MYH8: variants seen among roughly 807,000 people sequenced by gnomAD.
MYH8 encodes myosin heavy chain 8, also known as myosin-8.
In MYH8, 168 loss-of-function variants were observed where a neutral mutation model predicts 233.2. The ratio of observed to expected loss-of-function variants is 0.72; its 90% CI spans 0.64 to 0.82. The LOEUF (loss-of-function observed/expected upper bound fraction) is 0.82. MYH8 is among the 40% of genes least tolerant of loss of function. The probability of loss-of-function intolerance (pLI) is 0.00; values close to 1 mark genes in which losing one functional copy is unlikely to be tolerated. For synonymous variants in MYH8, 785 were observed against 850.6 expected, an observed-to-expected ratio of 0.92 and a Z score of 1.34; for missense variants, 1,995 against 2,327.8, an observed-to-expected ratio of 0.86 and a Z score of 2.94.
At chr17:10,399,424 TAG>T in intron 28 of MYH8, 117 bp downstream of exon 28, 1 of 1,560,638 alleles carries the variant, frequency 6.4e-7, no homozygotes, top group Non-Finnish European at 8.8e-7. Context: ...TTGACCTTCT[TAG>T]CAAACTCTGA....
intron 17 of MYH8, among the ~76,000 whole-genome samples, chr17:10,408,610 A>T (rs1042636578): frequency 3.9e-5 from 6 of 152,200 alleles, no homozygotes; most frequent in Non-Finnish European, 8.8e-5. Context: ...TATCTTAATG[A>T]TCCATTTAAG....
Position 10,400,656 on chromosome 17 carries a change from C to A in MYH8, c.3469G>T (p.Gly1157Cys), listed in dbSNP as rs747018022. The stretch of plus-strand genomic sequence containing the variant: ...TCCACCTGAGCAGAAGTTGCCCCAC[C>A]GGCTTCTTCCAGCCTCTCGCTGATC... Reference protein sequence around the residue: ...EEISERLEEAGGATSAQVELN... With the variant: ...EEISERLEEACGATSAQVELN... The change falls in exon 27 of 40, where the codon GGT becomes TGT. Residue 1157 changes from glycine to cysteine, a missense_variant. Coordinates refer to ENST00000403437, the MANE Select transcript of MYH8 (RefSeq NM_002472.3). The surrounding 1 kb of genome is among the most constrained non-coding windows in gnomAD (Gnocchi z 4.0). The A allele has an allele frequency of 6.2e-7, 1 of 1,614,218 alleles. No homozygotes were observed. Among genetic ancestry groups the A allele is most frequent in the African/African-American group, 1.3e-5 (1 of 75,066 alleles).
chr17:10,398,948 A>G, intron 28 of MYH8, 62 bp from the exon 29 acceptor site: 2 of 998,474 alleles, frequency 2.0e-6, no homozygotes, highest in Non-Finnish European at 3.1e-6. Context: ...AACCTTTTAC[A>G]TTTATATATG....
chr17:10,408,231 G>A (rs1490064218), intron 17 of MYH8, among the ~76,000 whole-genome samples: 3 of 151,916 alleles, frequency 2.0e-5, no homozygotes, highest in Non-Finnish European at 2.9e-5. Context: ...GAGCCACTGC[G>A]CCCGGCCAAG....
Position 10,419,942 on chromosome 17 carries a change from G to A in MYH8, c.210+76C>T. Reference sequence around the variant, plus strand: ...TGTTTGCATTGGCAACAGGCTTGGAGATTCCCAGTAAGTTAGGCTTCAACT... The same window carrying A: ...TGTTTGCATTGGCAACAGGCTTGGAAATTCCCAGTAAGTTAGGCTTCAACT... On this transcript the variant is annotated intron_variant, in intron 3 of 39. Transcript: ENST00000403437. This position sits in a 1 kb window ranked among gnomAD's most constrained non-coding sequence, Gnocchi z 4.0. 6.7e-7 allele frequency: 1 copy of A among 1,486,922 alleles called. No individual in the cohort carries two copies. The highest frequency in any genetic ancestry group is 9.4e-7 in the Non-Finnish European group (1 of 1,065,980). 92.1% of individuals were successfully genotyped at this position (1,486,922 alleles called of 1,614,324 possible). A position where few individuals can be genotyped will look rare whatever the true frequency, so the allele number is the denominator to read the frequency against.
chr17:10,415,587 A>T lies in MYH8; in HGVS notation c.540-7T>A. On this transcript the variant is annotated splice_region_variant and splice_polypyrimidine_tract_variant and intron_variant, in intron 6 of 39. Transcript: ENST00000403437. The surrounding 1 kb of genome is among the most constrained non-coding windows in gnomAD (Gnocchi z 4.1). ...TCCGGCACCAGATTCTCCGCTGTCA[A>T]ACAGAAATCAGAGAAGAGATCAGAG... 6.2e-7 allele frequency: 1 copy of T among 1,614,156 alleles called. No individual in the cohort carries two copies.
In MYH8 at chr17:10,406,181, G is replaced by A; in HGVS notation, c.2296-4C>T. ...GAAGTCCAGCTTTGAAGAAAACCTG[G>A]AGAAAGAGAGAGTCACAAATCATCT... On this transcript the variant is annotated splice_region_variant and splice_polypyrimidine_tract_variant and intron_variant, in intron 20 of 39. Coordinates refer to ENST00000403437, the MANE Select transcript of MYH8 (RefSeq NM_002472.3). 1.2e-6 allele frequency: 2 copies of A among 1,614,036 alleles called. No individual in the cohort carries two copies. The highest frequency in any genetic ancestry group is 1.7e-6 in the Non-Finnish European group (2 of 1,179,986).
rs147454129 is a variant in MYH8, at chr17:10,412,682, T to C, written c.1194A>G (p.Leu398=). Residue 398 remains leucine (L), a synonymous_variant, in exon 13 of 40, where the codon CTA becomes CTG. Transcript: ENST00000403437. ...CCCTAGGGTAGCAGAGGGCTTTGAG[T>C]AGGTCTGCAGAGTTCAGACTCTGGA... The part of the protein sequence containing the change: ...AYLQSLNSAD[L]LKALCYPRVK... The C allele has an allele frequency of 6.2e-7, 1 of 1,614,220 alleles. No individual in the cohort carries two copies. The highest frequency in any genetic ancestry group is 8.5e-7 in the Non-Finnish European group (1 of 1,180,032).
At position 10,395,407 on chromosome 17, in the gene MYH8, C is replaced by T. The variant is rs544591533; in HGVS notation, c.4688G>A (p.Arg1563His). ...SLEHEEGKIL[R>H]IQLELNQVKS... ...GACTTGGTTTAACTCAAGCTGGATA[C>T]GCAGAATCTTTCCTTCTTCATGTTC... is the stretch of plus-strand genomic sequence containing the variant. Residue 1563 changes from arginine to histidine, a missense_variant, in exon 34 of 40, where the codon CGT (arginine) becomes CAT (histidine). Around this residue, in one of 3 missense-constraint regions of MYH8, gnomAD observed 1,498 missense variants for 1,680.9 expected, o/e 0.89. Transcript: ENST00000403437. The T allele has an allele frequency of 1.9e-4, 300 of 1,614,104 alleles. 3 individuals carry two copies. The highest frequency in any genetic ancestry group is 1.3e-3 in the Middle Eastern group (8 of 6,062).
At chr17:10,402,321 T>G (rs998792988) in intron 22 of MYH8, among the ~76,000 whole-genome samples, 50 of 152,020 alleles carry the variant, frequency 3.3e-4, no homozygotes, top group African/African-American at 1.2e-3. Flanking sequence ...AGAAGAAAAA[T>G]AATTTAAATA....
rs34130444 is a variant in MYH8, at chr17:10,391,659, G to A, written c.5664+223C>T. ...CACACCACTGCACTCCAACCTGGGT[G>A]ACACAGCGAGGCTCTGTGTCAAAAT... On this transcript the variant is annotated intron_variant, in intron 39 of 39. Transcript: ENST00000403437. Among the ~76,000 whole-genome samples, 25,487 of 152,104 alleles carry A rather than the reference G, an allele frequency of 0.17. 2,875 individuals are homozygous for A. The highest frequency in any genetic ancestry group is 0.25 in the Non-Finnish European group (16,897 of 67,960).
At position 10,420,105 on chromosome 17, in the gene MYH8, A is replaced by G; in HGVS notation, c.123T>C (p.Phe41=). 6.2e-7 allele frequency: 1 copy of G among 1,614,246 alleles called. No individual in the cohort carries two copies. The highest frequency in any genetic ancestry group is 8.5e-7 in the Non-Finnish European group (1 of 1,180,050). Residue 41 remains phenylalanine (F), a synonymous_variant, in exon 3 of 40, where the codon TTT becomes TTC. Transcript: ENST00000403437. Reference sequence around the variant, plus strand: ...CATAGGATTCCTTGGGCTCCGCCACAAAGACAGATGTTTTAGCATCAAACG... The same window carrying G: ...CATAGGATTCCTTGGGCTCCGCCACGAAGACAGATGTTTTAGCATCAAACG... ...NKPFDAKTSV[F]VAEPKESYVK...
At chr17:10,392,064 C>T (rs1351144542) in intron 38 of MYH8, 87 bp from the exon 39 acceptor site, 4 of 1,093,796 alleles carry the variant, frequency 3.7e-6, no homozygotes, top group Middle Eastern at 2.0e-4. Flanking sequence ...GGCATGATGG[C>T]AGGTGGGCCT....
rs989235422 is a variant in MYH8 at position 10,415,468 on chromosome 17, C to T, written c.648+4G>A. The T allele has an allele frequency of 1.9e-6, 3 of 1,614,002 alleles. No individual in the cohort carries two copies. Among genetic ancestry groups the T allele is most frequent in the Non-Finnish European group, 2.5e-6 (3 of 1,179,880 alleles). ...GAGGTTTTGACTCTGGCTATCAGAC[C>T]TACCTGCATTTTGCCAGATTCATCC... On this transcript the variant is annotated splice_donor_region_variant and intron_variant, in intron 7 of 39. Transcript: ENST00000403437. The surrounding 1 kb of genome is among the most constrained non-coding windows in gnomAD (Gnocchi z 4.1).
At chr17:10,402,462 A>T (rs1389028530) in intron 22 of MYH8, among the ~76,000 whole-genome samples, 2 of 152,120 alleles carry the variant, frequency 1.3e-5, no homozygotes, top group Admixed American at 6.5e-5. Flanking sequence ...ATTTTTTGGA[A>T]CTTTTACCCC....
intron 28 of MYH8, 108 bp from the exon 29 acceptor site, chr17:10,398,994 G>GTGTATATATA (rs1555555758): frequency 9.6e-5 from 30 of 312,716 alleles, no homozygotes; most frequent in African/African-American, 2.8e-4. Flanking sequence ...ATGTGTGTGT[G>GTGTATATATA]TATATATATA....
Position 10,393,213 on chromosome 17 carries a change from G to A in MYH8, c.5167-3C>T, listed in dbSNP as rs546220244. ...TTGGTGTTAATGAGACTGGTATTCT[G>A]TTAAAAGTAGTCGTGGAAATTTACA... On this transcript the variant is annotated splice_polypyrimidine_tract_variant and splice_region_variant and intron_variant, in intron 35 of 39. Coordinates refer to ENST00000403437, the MANE Select transcript of MYH8 (RefSeq NM_002472.3). 1.2e-6 allele frequency: 2 copies of A among 1,614,140 alleles called. No individual in the cohort carries two copies. Among genetic ancestry groups the A allele is most frequent in the African/African-American group, 1.3e-5 (1 of 75,042 alleles).
chr17:10,398,746 A>G, intron 29 of MYH8, 22 bp downstream of exon 29: 1 of 1,614,010 alleles, frequency 6.2e-7, no homozygotes, highest in Non-Finnish European at 8.5e-7. Flanking sequence ...GGTTAGTCAA[A>G]AAAATCCTTG....
At position 10,400,652 on chromosome 17, in the gene MYH8, C is replaced by T; in HGVS notation, c.3473G>A (p.Gly1158Glu). ...EISERLEEAG[G>E]ATSAQVELNK... The stretch of plus-strand genomic sequence containing the variant: ...CAATTCCACCTGAGCAGAAGTTGCC[C>T]CACCGGCTTCTTCCAGCCTCTCGCT... Residue 1158 changes from glycine to glutamate, a missense_variant, in exon 27 of 40, where the codon GGG becomes GAG. Gly to Glu is a moderately conservative substitution (Grantham distance 98, BLOSUM62 -2). Coordinates refer to ENST00000403437, the MANE Select transcript of MYH8 (RefSeq NM_002472.3). This position sits in a 1 kb window ranked among gnomAD's most constrained non-coding sequence, Gnocchi z 4.0. 6.2e-7 allele frequency: 1 copy of T among 1,614,186 alleles called. No homozygotes were observed. Among genetic ancestry groups the T allele is most frequent in the Non-Finnish European group, 8.5e-7 (1 of 1,180,042 alleles).
Sources: gnomAD v4.1 joint callset for allele counts (sites outside exome capture counted in the v4.1 genomes callset) on GRCh38, gnomAD v4.1.1 for gene constraint, gnomAD v4.1.1 regional missense constraint, Gnocchi (gnomAD v3.1) non-coding constraint, MANE v1.5 for transcripts, NCBI Gene and HGNC (gene_info 2026-07-23, HGNC 2026-07-21) for gene names.